TNNI3K: variants seen among roughly 807,000 people sequenced by gnomAD.
TNNI3K encodes serine/threonine-protein kinase TNNI3K.
TNNI3K carries 140 observed loss-of-function variants against 114.5 expected under a neutral mutation model. The observed-to-expected ratio is 1.22, with a 90% CI of 1.07 to 1.41. The LOEUF (loss-of-function observed/expected upper bound fraction) is 1.41. Among genes scored for constraint, TNNI3K ranks in the 40% most tolerant of loss-of-function variants. The probability of loss-of-function intolerance (pLI) is 0.00; values close to 1 mark genes in which losing one functional copy is unlikely to be tolerated. For missense variants in TNNI3K, 1,125 were observed against 1,007.6 expected (o/e 1.12, Z -1.58); for synonymous variants, 347 against 347.5 (o/e 1.00, Z 0.02).
intron 5 of TNNI3K, among the ~76,000 whole-genome samples, chr1:74,323,686 AAGT>A (rs1167405172): frequency 6.6e-6 from 1 of 152,048 alleles, no homozygotes; most frequent in Admixed American, 6.6e-5. Flanking sequence ...GCAGGAGTAG[AAGT>A]AGTAGTCTTA....
At chr1:74,543,845 A>T in intron 24 of TNNI3K, 61 bp from the exon 25 acceptor site, 2 of 1,604,198 alleles carry the variant, frequency 1.2e-6, no homozygotes, top group Middle Eastern at 1.7e-4. Flanking sequence ...GCTGGTTATA[A>T]AAAATTGGGG....
chr1:74,313,184 T>C (rs964473526), intron 5 of TNNI3K, among the ~76,000 whole-genome samples: 1 of 152,188 alleles, frequency 6.6e-6, no homozygotes, highest in African/African-American at 2.4e-5. Context: ...ACAGGCATTA[T>C]CTCTTTGGGG....
At chr1:74,488,144 G>A (rs1158048772) in intron 21 of TNNI3K, among the ~76,000 whole-genome samples, 1 of 152,134 alleles carries the variant, frequency 6.6e-6, no homozygotes, top group Non-Finnish European at 1.5e-5. Flanking sequence ...AAAGAATGAG[G>A]GGGTGTGGCT....
chr1:74,318,836 A>T (rs898995325), intron 5 of TNNI3K, among the ~76,000 whole-genome samples: 2 of 152,246 alleles, frequency 1.3e-5, no homozygotes, highest in Admixed American at 1.3e-4. Flanking sequence ...GTACTCAAAA[A>T]TATTTATTGA....
At chr1:74,533,087 C>T (rs1646611549) in intron 23 of TNNI3K, among the ~76,000 whole-genome samples, 1 of 152,128 alleles carries the variant, frequency 6.6e-6, no homozygotes, top group Admixed American at 6.6e-5. Context: ...AACTAAAGAG[C>T]TTCTGCACAG....
chr1:74,237,007 T>C (rs1202398486), intron 2 of TNNI3K, among the ~76,000 whole-genome samples: 1 of 151,934 alleles, frequency 6.6e-6, no homozygotes, highest in Non-Finnish European at 1.5e-5. Flanking sequence ...TCTATTTTAC[T>C]TAGAAAACAA....
intron 17 of TNNI3K, among the ~76,000 whole-genome samples, chr1:74,377,543 A>G (rs1485353851): frequency 1.3e-5 from 2 of 152,088 alleles, no homozygotes; most frequent in East Asian, 3.9e-4. Flanking sequence ...TGTAAGTACT[A>G]TATATCCATA....
intron 4 of TNNI3K, among the ~76,000 whole-genome samples, chr1:74,266,701 T>C (rs1462825667): frequency 6.6e-6 from 1 of 152,010 alleles, no homozygotes; most frequent in Non-Finnish European, 1.5e-5. Flanking sequence ...GGATTTGAGC[T>C]CTGTGATATA....
chr1:74,340,495 A>C (rs1557506960), intron 7 of TNNI3K, among the ~76,000 whole-genome samples: 2 of 152,146 alleles, frequency 1.3e-5, no homozygotes, highest in South Asian at 4.1e-4. Flanking sequence ...ATACGCATAA[A>C]TTCTATGTCT....
intron 4 of TNNI3K, among the ~76,000 whole-genome samples, chr1:74,267,612 G>A (rs1233799222): frequency 6.6e-6 from 1 of 151,886 alleles, no homozygotes; most frequent in East Asian, 1.9e-4. Flanking sequence ...ATTTTTCATG[G>A]AAGTTGGCTC....
intron 5 of TNNI3K, among the ~76,000 whole-genome samples, chr1:74,327,833 A>G (rs563136211): frequency 6.6e-6 from 1 of 150,786 alleles, no homozygotes; most frequent in South Asian, 2.1e-4. Context: ...TCCTTAAAGT[A>G]TATTAAGATA....
intron 21 of TNNI3K, among the ~76,000 whole-genome samples, chr1:74,485,392 T>C (rs1347533493): frequency 9.2e-5 from 14 of 152,154 alleles, no homozygotes; most frequent in Admixed American, 8.5e-4. Flanking sequence ...CTCATGGATG[T>C]GTGGTTCAGG....
At chr1:74,399,935 C>T (rs1245023624) in intron 17 of TNNI3K, among the ~76,000 whole-genome samples, 1 of 152,194 alleles carries the variant, frequency 6.6e-6, no homozygotes, top group African/African-American at 2.4e-5. Context: ...AGGCAGATGT[C>T]ACAAGCAAAC....
At chr1:74,274,454 A>T (rs535310974) in intron 5 of TNNI3K, among the ~76,000 whole-genome samples, 2 of 152,086 alleles carry the variant, frequency 1.3e-5, no homozygotes, top group East Asian at 3.9e-4. Context: ...CATACGTGTG[A>T]ATTCATTTAA....
intron 17 of TNNI3K, among the ~76,000 whole-genome samples, chr1:74,380,951 GA>G (rs45539733): frequency 0.015 from 2,268 of 152,158 alleles, 51 homozygotes; most frequent in African/African-American, 0.049. Flanking sequence ...TAATAAATGA[GA>G]AACAATCTTA....
intron 5 of TNNI3K, among the ~76,000 whole-genome samples, chr1:74,327,226 T>C (rs567307811): frequency 6.6e-6 from 1 of 151,498 alleles, no homozygotes; most frequent in East Asian, 1.9e-4. Context: ...CATACAGTAA[T>C]TGTTATACTA....
At chr1:74,443,535 A>G (rs1008028391) in intron 20 of TNNI3K, among the ~76,000 whole-genome samples, 1 of 152,160 alleles carries the variant, frequency 6.6e-6, no homozygotes, top group African/African-American at 2.4e-5. Context: ...TCAACAAAAA[A>G]AAGCCCAGGA....
chr1:74,413,171 A>G (rs1465229645), intron 17 of TNNI3K, among the ~76,000 whole-genome samples: 1 of 152,180 alleles, frequency 6.6e-6, no homozygotes, highest in Non-Finnish European at 1.5e-5. Flanking sequence ...AAAGTTTCCC[A>G]TGTGCTGGAC....
At chr1:74,524,442 AG>A (rs1234162180) in intron 23 of TNNI3K, among the ~76,000 whole-genome samples, 1 of 152,162 alleles carries the variant, frequency 6.6e-6, no homozygotes, top group Non-Finnish European at 1.5e-5. Flanking sequence ...TAGAGTATGT[AG>A]GGCCAACTGG....
Sources: gnomAD v4.1 joint callset for allele counts (sites outside exome capture counted in the v4.1 genomes callset) on GRCh38, gnomAD v4.1.1 for gene constraint, MANE v1.5 for transcripts, NCBI Gene and HGNC (gene_info 2026-07-23, HGNC 2026-07-21) for gene names.